The following EBAG9 variants were observed in gnomAD, a reference collection of about 807,000 sequenced individuals.
The protein encoded by EBAG9 is estrogen receptor binding site associated antigen 9, also known as receptor-binding cancer antigen expressed on SiSo cells.
A neutral mutation model predicts 30.9 loss-of-function variants in EBAG9; 16 were observed. The observed-to-expected ratio is 0.52, with a 90% confidence interval of 0.35 to 0.79. The LOEUF is 0.79. Among genes scored for constraint, EBAG9 ranks in the 30% least tolerant of loss-of-function variants. The pLI, the probability that EBAG9 is intolerant of heterozygous loss-of-function variation, is 0.01. For missense variants in EBAG9, 197 were observed against 242.1 expected (o/e 0.81, Z 1.24); for synonymous variants, 93 against 82.8 (o/e 1.12, Z -0.67).
intron 2 of EBAG9, among the ~76,000 whole-genome samples, chr8:109,551,348 C>G (rs1239732402): frequency 6.7e-6 from 1 of 149,554 alleles, no homozygotes; most frequent in Non-Finnish European, 1.5e-5. Flanking sequence ...ATTTTTTTTT[C>G]TGTTTGAGTA....
intron 1 of EBAG9, among the ~76,000 whole-genome samples, chr8:109,546,468 A>G (rs1320088849): frequency 6.6e-6 from 1 of 152,188 alleles, no homozygotes; most frequent in Non-Finnish European, 1.5e-5. Context: ...TCCCTGCCTC[A>G]TTACAAGGCA....
At chr8:109,557,614 TC>T in intron 5 of EBAG9, 1 of 453,050 alleles carries the variant, frequency 2.2e-6, no homozygotes, top group Non-Finnish European at 4.4e-6. Flanking sequence ...GTGTAACAAC[TC>T]CAAATTCAGT....
In EBAG9 at chr8:109,564,643, T is replaced by G; in HGVS notation, c.*84T>G. On this transcript the variant is annotated 3_prime_UTR_variant, in exon 7 of 7. Coordinates refer to ENST00000337573, the MANE Select transcript of EBAG9 (RefSeq NM_004215.5). ...CATTTGTATGGATTTAAGAGTATTT[T>G]AAGAAGACATACTGCTTGATTTTAA... 3 of 1,555,270 alleles carry G rather than the reference T, an allele frequency of 1.9e-6. No homozygotes were observed. Among genetic ancestry groups the G allele is most frequent in the Non-Finnish European group, 2.6e-6 (3 of 1,145,944 alleles).
chr8:109,544,384 A>T (rs970837113), intron 1 of EBAG9, among the ~76,000 whole-genome samples: 12 of 152,104 alleles, frequency 7.9e-5, no homozygotes, highest in African/African-American at 2.4e-4. Flanking sequence ...TGTATTAATC[A>T]AGTGTTGTGA....
In EBAG9 at chr8:109,564,517, A is replaced by G. The variant is rs142272015; in HGVS notation, c.600A>G (p.Leu200=). 1.1e-4 allele frequency: 173 copies of G among 1,612,664 alleles called. No individual in the cohort carries two copies. Among genetic ancestry groups the G allele is most frequent in the Middle Eastern group, 3.3e-4 (2 of 6,052 alleles). The change falls in exon 7 of 7, where the codon CTA becomes CTG. Residue 200 remains leucine (L), a synonymous_variant. Coordinates refer to ENST00000337573, the MANE Select transcript of EBAG9 (RefSeq NM_004215.5). Reference sequence around the variant, plus strand: ...AAATGGAAAAGGAAGCACAACGGCTAATGAAGAAGGAACAAAACAAAATTG... The same window carrying G: ...AAATGGAAAAGGAAGCACAACGGCTGATGAAGAAGGAACAAAACAAAATTG... ...RKKMEKEAQR[L]MKKEQNKIGV...
At chr8:109,562,038 A>T (rs1821722148) in intron 6 of EBAG9, among the ~76,000 whole-genome samples, 1 of 151,986 alleles carries the variant, frequency 6.6e-6, no homozygotes, top group South Asian at 2.1e-4. Flanking sequence ...GTGAACTATA[A>T]CACTTAGGAT....
At chr8:109,539,857 G>C (rs977143119), upstream of EBAG9, 1 of 152,246 alleles carries the variant, frequency 6.6e-6, no homozygotes, top group African/African-American at 2.4e-5. Context: ...CGCGCCTTGT[G>C]TGCGCGCGCG....
intron 1 of EBAG9, among the ~76,000 whole-genome samples, chr8:109,549,984 G>T (rs1821460019): frequency 6.6e-6 from 1 of 151,868 alleles, no homozygotes; most frequent in African/African-American, 2.4e-5. Flanking sequence ...ACATGGAGTG[G>T]GGCGGTCTTT....
chr8:109,554,921 T>G (rs770655927), intron 4 of EBAG9, 34 bp downstream of exon 4: 4 of 1,581,606 alleles, frequency 2.5e-6, no homozygotes, highest in Non-Finnish European at 3.5e-6. Context: ...GAGATTAAAC[T>G]ACTTTTTAGA....
intron 2 of EBAG9, 94 bp from the exon 3 acceptor site, chr8:109,553,771 T>G (rs1027992371): frequency 4.5e-5 from 40 of 897,214 alleles, no homozygotes; most frequent in Non-Finnish European, 6.3e-5. Context: ...GAGAAAGATC[T>G]TGTTTTATAA....
rs756305303 is a variant in EBAG9, at chr8:109,564,614, G to A, written c.*55G>A. On this transcript the variant is annotated 3_prime_UTR_variant, in exon 7 of 7. Transcript: ENST00000337573. ...GAGAAATCTCAGCTCCACAACCCAA[G>A]CAACATTTGTATGGATTTAAGAGTA... 3.8e-5 allele frequency: 61 copies of A among 1,599,766 alleles called. No individual in the cohort carries two copies. Among genetic ancestry groups the A allele is most frequent in the Non-Finnish European group, 4.8e-5 (56 of 1,172,668 alleles).
At chr8:109,542,551 A>T (rs1423494003) in intron 1 of EBAG9, among the ~76,000 whole-genome samples, 1 of 152,192 alleles carries the variant, frequency 6.6e-6, no homozygotes, top group Non-Finnish European at 1.5e-5. Flanking sequence ...CAAGTACCAC[A>T]CGTTCTGTAG....
chr8:109,561,023 T>C (rs185257727), intron 6 of EBAG9, 94 bp downstream of exon 6: 5 of 1,044,466 alleles, frequency 4.8e-6, no homozygotes, highest in Non-Finnish European at 6.9e-6. Flanking sequence ...TTGCCAAATA[T>C]TATATTTTTC....
In EBAG9 at chr8:109,564,636, A is replaced by G. The variant is rs546063836; in HGVS notation, c.*77A>G. On this transcript the variant is annotated 3_prime_UTR_variant, in exon 7 of 7. Coordinates refer to ENST00000337573, the MANE Select transcript of EBAG9 (RefSeq NM_004215.5). ...CAAGCAACATTTGTATGGATTTAAG[A>G]GTATTTTAAGAAGACATACTGCTTG... The G allele has an allele frequency of 3.2e-6, 5 of 1,574,078 alleles. No individual in the cohort carries two copies. Among genetic ancestry groups the G allele is most frequent in the Non-Finnish European group, 4.3e-6 (5 of 1,159,136 alleles).
chr8:109,562,195 G>T (rs1422945677), intron 6 of EBAG9, among the ~76,000 whole-genome samples: 2 of 152,046 alleles, frequency 1.3e-5, no homozygotes, highest in Non-Finnish European at 2.9e-5. Context: ...AAAGACAAAG[G>T]AAGGGGTCTG....
chr8:109,565,319 A>G lies in EBAG9; in HGVS notation c.*760A>G, dbSNP rs117350724. 2,711 of 152,296 alleles carry G rather than the reference A, an allele frequency of 0.018. 42 individuals carry two copies. The highest frequency in any genetic ancestry group is 0.029 in the Non-Finnish European group (1,959 of 67,914). The allele number at this position is 152,296 out of a possible 1,614,324, so 9.4% of individuals were successfully genotyped here. A position where few individuals can be genotyped will look rare whatever the true frequency, so the allele number is the denominator to read the frequency against. ...GTATTAGTAGTTTTTTCCTTTCATT[A>G]TAGATTGTAAGATGTTGTGGTATCT... On this transcript the variant is annotated 3_prime_UTR_variant, in exon 7 of 7. Transcript: ENST00000337573.
chr8:109,548,096 T>C (rs1821422338), intron 1 of EBAG9, among the ~76,000 whole-genome samples: 1 of 152,278 alleles, frequency 6.6e-6, no homozygotes, highest in Admixed American at 6.5e-5. Flanking sequence ...TGTTTTTTTT[T>C]CTTGCAAATT....
At chr8:109,551,022 T>G (rs1453310767) in intron 2 of EBAG9, 115 bp downstream of exon 2, 1 of 648,400 alleles carries the variant, frequency 1.5e-6, no homozygotes, top group Non-Finnish European at 2.7e-6. Context: ...ATATCTTGAT[T>G]GCAGTATTTA....
intron 5 of EBAG9, among the ~76,000 whole-genome samples, chr8:109,559,067 G>A (rs543391885): frequency 6.6e-6 from 1 of 152,128 alleles, no homozygotes; most frequent in Admixed American, 6.6e-5. Context: ...TACTCTAACA[G>A]TCAAATACTT....
Sources: gnomAD v4.1 joint callset for allele counts (sites outside exome capture counted in the v4.1 genomes callset) on GRCh38, gnomAD v4.1.1 for gene constraint, MANE v1.5 for transcripts, NCBI Gene and HGNC (gene_info 2026-07-23, HGNC 2026-07-21) for gene names.